Variants in CCZ1B observed in about 807,000 individuals in gnomAD.
The protein encoded by CCZ1B is vacuolar fusion protein CCZ1 homolog B.
In CCZ1B, 25 loss-of-function variants were observed where a neutral mutation model predicts 58.8. That is an observed-to-expected ratio of 0.43 (90% CI 0.31 to 0.59). The LOEUF is 0.59. CCZ1B is among the 20% of genes least tolerant of loss of function. The pLI is 0.12. For missense variants in CCZ1B, 180 were observed against 501.5 expected (o/e 0.36, Z 6.12); for synonymous variants, 66 against 173.2 (o/e 0.38, Z 4.86).
chr7:6,819,148 G>GAAAA (rs1783068206), intron 7 of CCZ1B, among the ~76,000 whole-genome samples: 18 of 98,598 alleles, frequency 1.8e-4, no homozygotes, highest in South Asian at 8.9e-4. Flanking sequence ...AAAAAAAAAG[G>GAAAA]TATAAAAATT....
intron 12 of CCZ1B, among the ~76,000 whole-genome samples, chr7:6,803,905 G>A (rs1230655167): frequency 1.4e-5 from 2 of 142,330 alleles, no homozygotes; most frequent in Admixed American, 7.2e-5. Flanking sequence ...GCTGAGAACA[G>A]ACCATTGCAC....
At chr7:6,804,106 T>G (rs1782801351) in intron 12 of CCZ1B, among the ~76,000 whole-genome samples, 1 of 151,086 alleles carries the variant, frequency 6.6e-6, no homozygotes, top group Non-Finnish European at 1.5e-5. Context: ...CACTTTCACT[T>G]TATAATAACT....
At chr7:6,803,906 A>G (rs1275444363) in intron 12 of CCZ1B, among the ~76,000 whole-genome samples, 2 of 146,320 alleles carry the variant, frequency 1.4e-5, no homozygotes, top group Admixed American at 6.9e-5. Flanking sequence ...CTGAGAACAG[A>G]CCATTGCACA....
chr7:6,819,090 G>C (rs1783066001), intron 7 of CCZ1B, among the ~76,000 whole-genome samples: 1 of 119,856 alleles, frequency 8.3e-6, no homozygotes, highest in Non-Finnish European at 1.6e-5. Context: ...TTTGAGACCA[G>C]CCTGGGCAAC....
chr7:6,814,591 G>A (rs2115119110), intron 8 of CCZ1B, 173 bp downstream of exon 8: 3 of 490,616 alleles, frequency 6.1e-6, no homozygotes, highest in Non-Finnish European at 7.3e-6. Flanking sequence ...CATACTGGAG[G>A]AGAGCTGCAT....
In CCZ1B at chr7:6,814,619, T is replaced by C. The variant is rs147610105; in HGVS notation, c.780+145A>G. ...AGCTGCATGTGGTTTTCTGTGCTAATTGATATACAGTGACATAAATAACAC... is the reference window on the plus strand; with the variant it reads ...AGCTGCATGTGGTTTTCTGTGCTAACTGATATACAGTGACATAAATAACAC... On this transcript the variant is annotated intron_variant, in intron 8 of 14. Coordinates refer to ENST00000316731, the MANE Select transcript of CCZ1B (RefSeq NM_198097.5). The C allele has an allele frequency of 1.5e-3, 902 of 601,320 alleles. 102 individuals carry two copies. In the African/African-American group the frequency reaches 0.017, roughly 11 times the overall value. The allele number at this position is 601,320 out of a possible 1,614,324, so 37.2% of individuals were successfully genotyped here. A position where few individuals can be genotyped will look rare whatever the true frequency, so the allele number is the denominator to read the frequency against.
intron 6 of CCZ1B, among the ~76,000 whole-genome samples, chr7:6,820,380 A>G (rs1448885748): frequency 6.7e-6 from 1 of 148,854 alleles, no homozygotes; most frequent in East Asian, 1.9e-4. Context: ...GGGTTTCACC[A>G]TGTTAGCCAG....
At chr7:6,818,678 A>C (rs1783055581) in intron 7 of CCZ1B, among the ~76,000 whole-genome samples, 1 of 76,120 alleles carries the variant, frequency 1.3e-5, no homozygotes, top group Admixed American at 1.5e-4. Context: ...AGAAAGAAAG[A>C]AAGAAAGAAA....
rs1438761361 is a variant in CCZ1B at position 6,815,171 on chromosome 7, T to C, written c.699-326A>G. Reference sequence around the variant, plus strand: ...TTTTTATTAAAAAAAAATTTTTTTTTCTTTTTTTTTTTTGAGACAAGGTCT... The same window carrying C: ...TTTTTATTAAAAAAAAATTTTTTTTCCTTTTTTTTTTTTGAGACAAGGTCT... On this transcript the variant is annotated intron_variant, in intron 7 of 14. Coordinates refer to ENST00000316731, the MANE Select transcript of CCZ1B (RefSeq NM_198097.5). 2.2e-4 allele frequency among the ~76,000 whole-genome samples: 30 copies of C among 133,770 alleles called. 2 individuals are homozygous for C. The East Asian group carries it at 5.0e-3, about 22-fold the overall frequency. The allele number at this position is 133,770 out of a possible 152,430, so 87.8% of individuals were successfully genotyped here.
chr7:6,813,781 G>A (rs200851927), intron 8 of CCZ1B, among the ~76,000 whole-genome samples: 3 of 149,506 alleles, frequency 2.0e-5, no homozygotes, highest in East Asian at 3.9e-4. Context: ...GTTGATAGAG[G>A]AAAATACTAC....
chr7:6,817,385 C>A (rs540921127), intron 7 of CCZ1B, among the ~76,000 whole-genome samples: 4 of 151,070 alleles, frequency 2.6e-5, no homozygotes, highest in African/African-American at 7.4e-5. Flanking sequence ...GCACCCATGG[C>A]GGGGCTTGTG....
At position 6,818,694 on chromosome 7, in the gene CCZ1B, ACAAG is replaced by A. The variant is rs1427373759; in HGVS notation, c.698+1068_698+1071del. 4.7e-3 allele frequency among the ~76,000 whole-genome samples: 373 copies of A among 79,850 alleles called. 46 individuals are homozygous for A. Among genetic ancestry groups the A allele is most frequent in the African/African-American group, 0.019 (347 of 17,908 alleles). The allele number at this position is 79,850 out of a possible 152,430, so 52.4% of individuals were successfully genotyped here. On this transcript the variant is annotated intron_variant, in intron 7 of 14. Coordinates refer to ENST00000316731, the MANE Select transcript of CCZ1B (RefSeq NM_198097.5). The stretch of plus-strand genomic sequence containing the variant: ...GAAAGAAAGAAAGAAAGAAAGAAAG[ACAAG>A]AAAGAAAGAAAGACAAGAAAGAAAG...
intron 6 of CCZ1B, among the ~76,000 whole-genome samples, chr7:6,821,429 T>C (rs1281003580): frequency 6.6e-6 from 1 of 152,294 alleles, no homozygotes; most frequent in South Asian, 2.1e-4. Flanking sequence ...GGAGATAATA[T>C]GCGAGTGGAT....
Position 6,818,585 on chromosome 7 carries a change from AAGAC to A in CCZ1B, c.698+1177_698+1180del, listed in dbSNP as rs564216463. Among the ~76,000 whole-genome samples, 37 of 135,398 alleles carry A rather than the reference AAGAC, an allele frequency of 2.7e-4. 4 individuals carry two copies. The highest frequency in any genetic ancestry group is 6.4e-4 in the African/African-American group (19 of 29,760). 88.8% of individuals were successfully genotyped at this position (135,398 alleles called of 152,430 possible). A position where few individuals can be genotyped will look rare whatever the true frequency, so the allele number is the denominator to read the frequency against. ...AAAGACAGAAAGAAAGACAGAAAGA[AAGAC>A]AGACAGAAAGAAAGAAAGAAAGAAA... On this transcript the variant is annotated intron_variant, in intron 7 of 14. Coordinates refer to ENST00000316731, the MANE Select transcript of CCZ1B (RefSeq NM_198097.5).
In CCZ1B at chr7:6,818,019, A is replaced by G. The variant is rs374878813; in HGVS notation, c.698+1747T>C. 1.1e-3 allele frequency among the ~76,000 whole-genome samples: 162 copies of G among 149,184 alleles called. 16 individuals carry two copies. The highest frequency in any genetic ancestry group is 4.1e-3 in the African/African-American group (160 of 39,408). On this transcript the variant is annotated intron_variant, in intron 7 of 14. Transcript: ENST00000316731. ...ACTCCATTTCAAAAACAAAAAAAAA[A>G]GTAGATGGGTTTCACCTGAAATTTG...
intron 1 of CCZ1B, among the ~76,000 whole-genome samples, chr7:6,825,080 C>G (rs938537110): frequency 2.7e-5 from 4 of 150,402 alleles, no homozygotes; most frequent in Admixed American, 1.3e-4. Flanking sequence ...TGAAGTAGCA[C>G]CAGGTAATTT....
Position 6,824,664 on chromosome 7 carries a change from C to T in CCZ1B, c.194G>A (p.Cys65Tyr). ...KNEKIRNVGL[C>Y]EAIVQFTRTF... Reference sequence around the variant, plus strand: ...CCTTGTAAACTGTACAATAGCTTCACACAATCCGACATTTCTAATCTTCTC... The same window carrying T: ...CCTTGTAAACTGTACAATAGCTTCATACAATCCGACATTTCTAATCTTCTC... Residue 65 changes from cysteine to tyrosine, a missense_variant, in exon 2 of 15, where the codon TGT becomes TAT. By Grantham distance (194) the Cys-to-Tyr change is radical. Transcript: ENST00000316731. The T allele has an allele frequency of 3.1e-6, 5 of 1,611,640 alleles. No individual in the cohort carries two copies. Among genetic ancestry groups the T allele is most frequent in the Non-Finnish European group, 4.2e-6 (5 of 1,179,498 alleles).
chr7:6,824,247 A>G lies in CCZ1B; in HGVS notation c.313-81T>C, dbSNP rs1174626614. 1.3e-6 allele frequency: 2 copies of G among 1,559,010 alleles called. 1 individual carries two copies. The highest frequency in any genetic ancestry group is 2.9e-5 in the African/African-American group (2 of 69,014). On this transcript the variant is annotated intron_variant, in intron 3 of 14. Transcript: ENST00000316731. ...TTGCCTTAATTTAAAAACTTTGAAC[A>G]TGCTACAGCACCAGAAACACAACTT...
At chr7:6,813,109 A>G (rs1049302752) in intron 8 of CCZ1B, 72 bp from the exon 9 acceptor site, 47 of 1,002,470 alleles carry the variant, frequency 4.7e-5, no homozygotes, top group Admixed American at 8.5e-5. Context: ...GAAAAACAGC[A>G]TTATCTACTA....
Sources: allele counts gnomAD v4.1 joint callset (sites outside exome capture counted in the v4.1 genomes callset), GRCh38; gene constraint gnomAD v4.1.1; transcripts MANE v1.5; gene names NCBI Gene and HGNC (gene_info 2026-07-23, HGNC 2026-07-21).